The following EPM2A variants were observed in gnomAD, a reference collection of about 807,000 sequenced individuals.
The protein encoded by EPM2A is laforin.
Under a neutral mutation model 26.5 loss-of-function variants are expected in EPM2A, and 21 were observed. The observed-to-expected ratio is 0.79, with a 90% CI of 0.56 to 1.14. The LOEUF (loss-of-function observed/expected upper bound fraction) is 1.14. Among genes scored for constraint, EPM2A ranks in the 50% most tolerant of loss-of-function variants. The pLI is 0.00. For missense variants in EPM2A, 458 were observed against 440.8 expected (o/e 1.04, Z -0.35); for synonymous variants, 217 against 177.6 (o/e 1.22, Z -1.76).
intron 1 of EPM2A, chr6:145,705,960 T>C (rs1362041445): frequency 2.2e-6 from 1 of 456,528 alleles, no homozygotes; most frequent in Non-Finnish European, 4.4e-6. Context: ...TCTCTGTATA[T>C]GTGATGGGAA....
downstream of EPM2A, among the ~76,000 whole-genome samples, chr6:145,497,280 G>T (rs575920770): frequency 7.2e-5 from 11 of 152,130 alleles, no homozygotes; most frequent in Non-Finnish European, 1.3e-4. Context: ...TAACTGTCTG[G>T]CCACTTTTCC....
intron 2 of EPM2A, among the ~76,000 whole-genome samples, chr6:145,661,748 A>C (rs1778724237): frequency 6.6e-6 from 1 of 152,214 alleles, no homozygotes; most frequent in Non-Finnish European, 1.5e-5. Context: ...CTTAATTCAC[A>C]GTATCGGATT....
intron 4 of EPM2A, among the ~76,000 whole-genome samples, chr6:145,405,459 A>C (rs1402602053): frequency 6.6e-6 from 1 of 152,148 alleles, no homozygotes; most frequent in Non-Finnish European, 1.5e-5. Context: ...CTAGAGTTAA[A>C]TATAAAATTT....
chr6:145,441,460 T>C (rs939850734), intron 4 of EPM2A, among the ~76,000 whole-genome samples: 1 of 152,240 alleles, frequency 6.6e-6, no homozygotes, highest in African/African-American at 2.4e-5. Flanking sequence ...TCATTACTTA[T>C]GCAAATTCCT....
intron 2 of EPM2A, among the ~76,000 whole-genome samples, chr6:145,613,868 G>T (rs1379191032): frequency 1.3e-5 from 2 of 152,110 alleles, no homozygotes; most frequent in African/African-American, 2.4e-5. Context: ...GGACCTTAGG[G>T]TCTTCATAAT....
At chr6:145,482,636 G>A (rs1473200506) in intron 4 of EPM2A, among the ~76,000 whole-genome samples, 1 of 152,040 alleles carries the variant, frequency 6.6e-6, no homozygotes, top group Non-Finnish European at 1.5e-5. Flanking sequence ...CCTCACATGC[G>A]CTTGGAGAGA....
At chr6:145,662,905 C>G (rs1237616321) in intron 2 of EPM2A, among the ~76,000 whole-genome samples, 1 of 152,006 alleles carries the variant, frequency 6.6e-6, no homozygotes, top group Non-Finnish European at 1.5e-5. Flanking sequence ...AAAGTTTGGC[C>G]AAGCAAAAAA....
intron 4 of EPM2A, among the ~76,000 whole-genome samples, chr6:145,437,391 T>C (rs1018795595): frequency 6.6e-6 from 1 of 152,228 alleles, no homozygotes; most frequent in Non-Finnish European, 1.5e-5. Context: ...TCTCAGGTAG[T>C]TGTTTATAGC....
intron 2 of EPM2A, among the ~76,000 whole-genome samples, chr6:145,528,993 A>C (rs907480538): frequency 6.6e-6 from 1 of 152,154 alleles, no homozygotes; most frequent in African/African-American, 2.4e-5. Context: ...TCAGTGGAGG[A>C]AGTCACTGAA....
intron 4 of EPM2A, among the ~76,000 whole-genome samples, chr6:145,473,945 T>G (rs1779508276): frequency 1.3e-5 from 2 of 152,074 alleles, no homozygotes; most frequent in South Asian, 4.1e-4. Context: ...GAAAAGGACA[T>G]TAATGGGCAA....
At chr6:145,567,403 T>C (rs1002829284) in intron 2 of EPM2A, among the ~76,000 whole-genome samples, 1 of 152,148 alleles carries the variant, frequency 6.6e-6, no homozygotes, top group African/African-American at 2.4e-5. Flanking sequence ...CAACAAAAGT[T>C]TCTTTCTTGC....
intron 2 of EPM2A, among the ~76,000 whole-genome samples, chr6:145,517,196 G>C (rs1381845008): frequency 6.6e-6 from 1 of 152,124 alleles, no homozygotes. Context: ...AGGGGAGGGA[G>C]AAATGGGGAG....
chr6:145,469,805 A>T (rs1173670258), intron 4 of EPM2A, among the ~76,000 whole-genome samples: 1 of 152,136 alleles, frequency 6.6e-6, no homozygotes, highest in Non-Finnish European at 1.5e-5. Flanking sequence ...TAAAGAAAAT[A>T]TTGTGTTTAT....
chr6:145,467,041 C>T (rs1466258627), intron 4 of EPM2A, among the ~76,000 whole-genome samples: 1 of 152,008 alleles, frequency 6.6e-6, no homozygotes, highest in Admixed American at 6.6e-5. Context: ...ATACCTAATG[C>T]TAGATGACGA....
At position 145,735,347 on chromosome 6, in the gene EPM2A, G is replaced by T. The variant is rs1057524725; in HGVS notation, c.152C>A (p.Ala51Asp). 5 of 1,204,272 alleles carry T rather than the reference G, an allele frequency of 4.2e-6. No homozygotes were observed. The highest frequency in any genetic ancestry group is 1.8e-5 in the South Asian group (1 of 54,094). 74.6% of individuals were successfully genotyped at this position (1,204,272 alleles called of 1,614,324 possible). ...RPAGTAAGDG[A>D]LALQEPGLWL... Reference sequence around the variant, plus strand: ...CAGGCCCGGCTCCTGCAGGGCCAGGGCCCCGTCGCCCGCCGCGGTGCCGGC... The same window carrying T: ...CAGGCCCGGCTCCTGCAGGGCCAGGTCCCCGTCGCCCGCCGCGGTGCCGGC... Residue 51 changes from alanine to aspartate, a missense_variant, in exon 1 of 4, where the codon GCC (alanine) becomes GAC (aspartate). Transcript: ENST00000367519.
chr6:145,397,261 T>A (rs9390315), intron 4 of EPM2A, among the ~76,000 whole-genome samples: 38,861 of 151,760 alleles, frequency 0.26, 5,485 homozygotes, highest in Non-Finnish European at 0.32. Flanking sequence ...CGAGAACACG[T>A]CTCTACTAAA....
At chr6:145,468,278 T>C (rs2114723021) in intron 4 of EPM2A, among the ~76,000 whole-genome samples, 1 of 152,254 alleles carries the variant, frequency 6.6e-6, no homozygotes, top group East Asian at 1.9e-4. Context: ...AAAAATATGA[T>C]ACTGTGCATG....
intron 2 of EPM2A, among the ~76,000 whole-genome samples, chr6:145,571,293 A>G (rs1420590541): frequency 6.6e-6 from 1 of 152,216 alleles, no homozygotes; most frequent in Non-Finnish European, 1.5e-5. Flanking sequence ...TTATGACTTC[A>G]AAAGGCCATT....
At chr6:145,557,380 G>A (rs954820465) in intron 2 of EPM2A, among the ~76,000 whole-genome samples, 1 of 151,776 alleles carries the variant, frequency 6.6e-6, no homozygotes, top group African/African-American at 2.4e-5. Flanking sequence ...AACTCTTCTT[G>A]TACCCCCTAA....
Sources: gnomAD v4.1 joint callset for allele counts (sites outside exome capture counted in the v4.1 genomes callset) on GRCh38, gnomAD v4.1.1 for gene constraint, MANE v1.5 for transcripts, NCBI Gene and HGNC (gene_info 2026-07-23, HGNC 2026-07-21) for gene names.